The following CNTN6 variants were observed in gnomAD, a reference collection of about 807,000 sequenced individuals.
The protein encoded by CNTN6 is contactin-6.
CNTN6 carries 137 observed loss-of-function variants against 122.8 expected under a neutral mutation model. That is an observed-to-expected ratio of 1.12 (90% CI 0.97 to 1.29). CNTN6 has a LOEUF of 1.29. CNTN6 is among the 50% of genes most tolerant of loss of function. The pLI is 0.00. For synonymous variants in CNTN6, 570 were observed against 426.0 expected (o/e 1.34, Z -4.16); for missense variants, 1,634 against 1,223.4 (o/e 1.34, Z -5.01).
intron 2 of CNTN6, among the ~76,000 whole-genome samples, chr3:1,150,908 A>C (rs187163450): frequency 1.3e-5 from 2 of 152,262 alleles, no homozygotes; most frequent in Admixed American, 1.3e-4. Context: ...GAGCAGAGGG[A>C]GACGTGAAGA....
intron 2 of CNTN6, among the ~76,000 whole-genome samples, chr3:1,201,618 T>C (rs2093873833): frequency 6.6e-6 from 1 of 152,180 alleles, no homozygotes; most frequent in African/African-American, 2.4e-5. Flanking sequence ...TTATATCCAG[T>C]AGTTCCACTT....
intron 10 of CNTN6, 45 bp downstream of exon 10, chr3:1,327,631 A>G (rs1256681301): frequency 6.3e-7 from 1 of 1,595,968 alleles, no homozygotes; most frequent in African/African-American, 1.3e-5. Context: ...TGACGTTTTA[A>G]CAAGCTATAA....
At chr3:1,321,464 TAATAAAG>T (rs1460419885) in intron 7 of CNTN6, among the ~76,000 whole-genome samples, 179 bp from the exon 8 acceptor site, 4 of 151,758 alleles carry the variant, frequency 2.6e-5, no homozygotes, top group African/African-American at 9.7e-5. Flanking sequence ...GGCAGGCACT[TAATAAAG>T]TGTTAAATAA....
At chr3:1,308,205 A>C (rs1294846862) in intron 7 of CNTN6, among the ~76,000 whole-genome samples, 2 of 151,462 alleles carry the variant, frequency 1.3e-5, no homozygotes, top group Non-Finnish European at 2.9e-5. Flanking sequence ...TGCTGCTCAA[A>C]TTGTTTTAGC....
intron 4 of CNTN6, among the ~76,000 whole-genome samples, chr3:1,263,040 A>T (rs2094872936): frequency 6.6e-6 from 1 of 152,202 alleles, no homozygotes; most frequent in Admixed American, 6.5e-5. Context: ...GTTTTTAAAC[A>T]AGTTACTTAT....
In CNTN6 at chr3:1,232,747, T is replaced by C. The variant is rs140267202; in HGVS notation, c.358+4754T>C. ...ATCAAGTGAAGTGAGAAAGGTGAAA[T>C]TGACCTATAACAGAGTGGAGCTCAA... On this transcript the variant is annotated intron_variant, in intron 4 of 22. Coordinates refer to ENST00000446702, the MANE Select transcript of CNTN6 (RefSeq NM_001289080.2). Among the ~76,000 whole-genome samples, 369 of 152,284 alleles carry C rather than the reference T, an allele frequency of 2.4e-3. 1 individual carries two copies. Among genetic ancestry groups the C allele is most frequent in the African/African-American group, 8.1e-3 (335 of 41,556 alleles).
intron 22 of CNTN6, chr3:1,402,733 T>G (rs1313731776): frequency 2.7e-6 from 1 of 375,978 alleles, no homozygotes; most frequent in East Asian, 4.2e-5. Flanking sequence ...CTTTGTGTCA[T>G]TAGAGCATAA....
chr3:1,155,572 T>A (rs1273635723), intron 2 of CNTN6, among the ~76,000 whole-genome samples: 1 of 152,188 alleles, frequency 6.6e-6, no homozygotes, highest in Non-Finnish European at 1.5e-5. Context: ...TTAGACACAC[T>A]TGACCTAGGC....
intron 8 of CNTN6, 36 bp from the exon 9 acceptor site, chr3:1,325,779 T>G (rs1575709590): frequency 6.2e-7 from 1 of 1,602,316 alleles, no homozygotes; most frequent in Non-Finnish European, 8.5e-7. Context: ...GATAACTGCC[T>G]TTTACCAAAC....
At chr3:1,300,015 T>C (rs1404565415) in intron 7 of CNTN6, among the ~76,000 whole-genome samples, 2 of 152,088 alleles carry the variant, frequency 1.3e-5, no homozygotes. Context: ...CTTGCTCTGT[T>C]GCTCAGGCTG....
At chr3:1,131,280 A>C (rs2092329012) in intron 1 of CNTN6, among the ~76,000 whole-genome samples, 1 of 152,032 alleles carries the variant, frequency 6.6e-6, no homozygotes, top group Admixed American at 6.6e-5. Flanking sequence ...ACATAAAATC[A>C]TGTCTTATAC....
chr3:1,163,958 A>G (rs1352348182), intron 2 of CNTN6, among the ~76,000 whole-genome samples: 2 of 152,230 alleles, frequency 1.3e-5, no homozygotes, highest in African/African-American at 4.8e-5. Context: ...CCAGGAAACA[A>G]CAAGTTTCAC....
At chr3:1,245,239 C>CATATATATATA (rs1559596120) in intron 4 of CNTN6, among the ~76,000 whole-genome samples, 6 of 9,340 alleles carry the variant, frequency 6.4e-4, no homozygotes, top group Non-Finnish European at 9.5e-4. Context: ...TATATATACA[C>CATATATATATA]ACACACATAT....
intron 1 of CNTN6, among the ~76,000 whole-genome samples, chr3:1,127,878 A>G (rs897474959): frequency 2.0e-5 from 3 of 151,922 alleles, no homozygotes; most frequent in Non-Finnish European, 4.4e-5. Flanking sequence ...GTATATATAC[A>G]TGAAACACAG....
At chr3:1,360,908 T>C (rs1707366561) in intron 12 of CNTN6, among the ~76,000 whole-genome samples, 1 of 152,046 alleles carries the variant, frequency 6.6e-6, no homozygotes. Context: ...ACCAAATCCT[T>C]GAGATTATTT....
chr3:1,291,571 G>C (rs2125847581), intron 5 of CNTN6, among the ~76,000 whole-genome samples: 1 of 152,304 alleles, frequency 6.6e-6, no homozygotes, highest in Admixed American at 6.5e-5. Flanking sequence ...ATGGCCCTGG[G>C]AATTTGCTCA....
intron 14 of CNTN6, 59 bp downstream of exon 14, chr3:1,373,014 T>A: frequency 2.0e-6 from 2 of 991,150 alleles, no homozygotes; most frequent in Non-Finnish European, 3.1e-6. Context: ...AGTGTTCATA[T>A]CTAAATTGTA....
At chr3:1,394,598 C>A (rs1423376419) in intron 20 of CNTN6, 1 of 151,896 alleles carries the variant, frequency 6.6e-6, no homozygotes, top group Non-Finnish European at 1.5e-5. Flanking sequence ...ATATATATAT[C>A]AGAACATCTC....
chr3:1,144,874 T>A (rs926116414), intron 1 of CNTN6, among the ~76,000 whole-genome samples: 1 of 152,084 alleles, frequency 6.6e-6, no homozygotes, highest in Admixed American at 6.6e-5. Context: ...GGAACAGAAC[T>A]ACAGCAAGCG....
Sources: gnomAD v4.1 joint callset for allele counts (sites outside exome capture counted in the v4.1 genomes callset) on GRCh38, gnomAD v4.1.1 for gene constraint, MANE v1.5 for transcripts, NCBI Gene and HGNC (gene_info 2026-07-23, HGNC 2026-07-21) for gene names.